KCNH7: variants seen among roughly 807,000 people sequenced by gnomAD.
KCNH7 encodes potassium voltage-gated channel subfamily H member 7, also known as voltage-gated inwardly rectifying potassium channel KCNH7.
A neutral mutation model predicts 120.8 loss-of-function variants in KCNH7; 49 were observed. That is an observed-to-expected ratio of 0.41 (90% CI 0.32 to 0.51). The LOEUF is 0.51. Among genes scored for constraint, KCNH7 ranks in the 20% least tolerant of loss-of-function variants. The pLI is 0.38. For synonymous variants in KCNH7, 547 were observed against 516.1 expected (o/e 1.06, Z -0.81); for missense variants, 1,097 against 1,446.6 (o/e 0.76, Z 3.92).
intron 2 of KCNH7, among the ~76,000 whole-genome samples, chr2:162,562,981 A>C (rs1439909027): frequency 6.6e-6 from 1 of 152,108 alleles, no homozygotes; most frequent in Non-Finnish European, 1.5e-5. Flanking sequence ...TGAGGGTAGG[A>C]TATTGGTCTT....
intron 2 of KCNH7, among the ~76,000 whole-genome samples, chr2:162,599,896 A>T (rs1432486845): frequency 6.6e-6 from 1 of 152,134 alleles, no homozygotes; most frequent in Non-Finnish European, 1.5e-5. Context: ...ACTAGGTAAC[A>T]ACCAGCACTG....
chr2:162,376,610 C>T (rs775957905), intron 14 of KCNH7, among the ~76,000 whole-genome samples: 111 of 152,032 alleles, frequency 7.3e-4, no homozygotes, highest in African/African-American at 2.5e-3. Flanking sequence ...GATCTACCTG[C>T]CTCGGCCTTT....
chr2:162,806,545 A>G lies in KCNH7; in HGVS notation c.307+29992T>C, dbSNP rs74628016. ...TACCAATAGCTGTCATTACAGTTAA[A>G]AAAACAGAAAATGATTTGGCCTTCT... On this transcript the variant is annotated intron_variant, in intron 2 of 15. Coordinates refer to ENST00000332142, the MANE Select transcript of KCNH7 (RefSeq NM_033272.4). 8.4e-3 allele frequency among the ~76,000 whole-genome samples: 1,284 copies of G among 152,316 alleles called. 22 individuals carry two copies. The highest frequency in any genetic ancestry group is 0.03 in the African/African-American group (1,240 of 41,566).
intron 2 of KCNH7, among the ~76,000 whole-genome samples, chr2:162,754,514 G>A (rs305696): frequency 0.06 from 9,082 of 152,164 alleles, 752 homozygotes; most frequent in African/African-American, 0.18. Context: ...TGAGGTATTA[G>A]TAGGATTTCA....
chr2:162,778,959 T>G (rs1382078688), intron 2 of KCNH7, among the ~76,000 whole-genome samples: 1 of 151,710 alleles, frequency 6.6e-6, no homozygotes, highest in African/African-American at 2.4e-5. Context: ...TTTTTTTTTT[T>G]TTGTCTTTCT....
intron 2 of KCNH7, among the ~76,000 whole-genome samples, chr2:162,813,426 TA>T (rs1684803756): frequency 6.6e-6 from 1 of 152,164 alleles, no homozygotes; most frequent in African/African-American, 2.4e-5. Flanking sequence ...AGAGGAGGTG[TA>T]AAATACCAGA....
At chr2:162,541,794 CA>C (rs1692311411) in intron 2 of KCNH7, among the ~76,000 whole-genome samples, 2 of 151,998 alleles carry the variant, frequency 1.3e-5, no homozygotes, top group African/African-American at 4.8e-5. Context: ...CCATGGCACA[CA>C]TTTACCTGTG....
chr2:162,453,620 C>T (rs530856500), intron 6 of KCNH7, among the ~76,000 whole-genome samples: 3 of 152,246 alleles, frequency 2.0e-5, no homozygotes, highest in South Asian at 2.1e-4. Context: ...GCCTTGCCAG[C>T]GTCTTTGTTT....
chr2:162,416,929 C>T (rs1036729203), intron 9 of KCNH7, among the ~76,000 whole-genome samples: 1 of 152,134 alleles, frequency 6.6e-6, no homozygotes, highest in Non-Finnish European at 1.5e-5. Flanking sequence ...TCCATCCACA[C>T]TCATCCACAT....
chr2:162,705,020 T>C (rs955620910), intron 2 of KCNH7, among the ~76,000 whole-genome samples: 1 of 152,184 alleles, frequency 6.6e-6, no homozygotes, highest in African/African-American at 2.4e-5. Flanking sequence ...GGGCACATTT[T>C]TGTAAATCAT....
chr2:162,415,091 G>A (rs1157131248), intron 9 of KCNH7, among the ~76,000 whole-genome samples: 1 of 151,652 alleles, frequency 6.6e-6, no homozygotes. Context: ...GTAAACCAAT[G>A]AGAGTTCCTG....
At chr2:162,807,797 CT>C (rs1684602985) in intron 2 of KCNH7, among the ~76,000 whole-genome samples, 1 of 152,100 alleles carries the variant, frequency 6.6e-6, no homozygotes, top group South Asian at 2.1e-4. Flanking sequence ...ATTCTCCTGC[CT>C]CAGCCTCCCA....
chr2:162,376,366 T>G lies in KCNH7; in HGVS notation c.3132-2704A>C, dbSNP rs532675601. 2.8e-3 allele frequency among the ~76,000 whole-genome samples: 418 copies of G among 147,254 alleles called. 8 individuals are homozygous for G. The highest frequency in any genetic ancestry group is 0.01 in the African/African-American group (392 of 37,618). The stretch of plus-strand genomic sequence containing the variant: ...AGGGCTTCCCTACTCAAAGTGTGGT[T>G]TGTTTTTTTTTTTTTTTTAGATGGA... On this transcript the variant is annotated intron_variant, in intron 14 of 15. Coordinates refer to ENST00000332142, the MANE Select transcript of KCNH7 (RefSeq NM_033272.4).
intron 2 of KCNH7, among the ~76,000 whole-genome samples, chr2:162,755,770 G>A (rs1001893174): frequency 2.6e-5 from 4 of 152,060 alleles, no homozygotes; most frequent in Non-Finnish European, 4.4e-5. Context: ...TATTATGTAT[G>A]TTATGACATG....
At chr2:162,781,631 A>T (rs994132363) in intron 2 of KCNH7, among the ~76,000 whole-genome samples, 11 of 152,232 alleles carry the variant, frequency 7.2e-5, no homozygotes, top group Admixed American at 2.0e-4. Context: ...ATTTCATTAC[A>T]TATATTATAC....
chr2:162,508,545 C>G (rs753847242), intron 5 of KCNH7, among the ~76,000 whole-genome samples: 3 of 151,450 alleles, frequency 2.0e-5, no homozygotes, highest in Non-Finnish European at 4.4e-5. Context: ...CTTCTAGAGT[C>G]TTCAAGATGA....
chr2:162,464,448 G>A lies in KCNH7; in HGVS notation c.1129-18005C>T, dbSNP rs182298380. On this transcript the variant is annotated intron_variant, in intron 6 of 15. Coordinates refer to ENST00000332142, the MANE Select transcript of KCNH7 (RefSeq NM_033272.4). ...AACTGAAACAAAAAGTATTATGCAA[G>A]TGACAAAGAACAAATAGAAATCAAG... Among the ~76,000 whole-genome samples the A allele has an allele frequency of 4.7e-4, 71 of 152,086 alleles. No homozygotes were observed. In the Middle Eastern group the frequency reaches 0.014, roughly 29 times the overall value.
chr2:162,665,677 T>G (rs1299276863), intron 2 of KCNH7, among the ~76,000 whole-genome samples: 1 of 152,166 alleles, frequency 6.6e-6, no homozygotes, highest in Non-Finnish European at 1.5e-5. Context: ...ATTCTTGGGT[T>G]GTTACTAAGA....
chr2:162,672,897 A>G (rs1002204195), intron 2 of KCNH7, among the ~76,000 whole-genome samples: 1 of 152,042 alleles, frequency 6.6e-6, no homozygotes, highest in Admixed American at 6.6e-5. Flanking sequence ...TACTGATGTG[A>G]TAGTTTAAAT....
Sources: gnomAD v4.1 joint callset for allele counts (sites outside exome capture counted in the v4.1 genomes callset) on GRCh38, gnomAD v4.1.1 for gene constraint, MANE v1.5 for transcripts, NCBI Gene and HGNC (gene_info 2026-07-23, HGNC 2026-07-21) for gene names.